Variants in PCDHGC3 observed in about 807,000 individuals in gnomAD.
The protein encoded by PCDHGC3 is protocadherin gamma-C3.
In PCDHGC3, 26 loss-of-function variants were observed where a neutral mutation model predicts 59.2. The observed-to-expected ratio is 0.44, with a 90% CI of 0.32 to 0.61. PCDHGC3 has a LOEUF of 0.61. Ranked by LOEUF, PCDHGC3 falls within the 20% of genes least tolerant of loss-of-function variation. PCDHGC3 has a pLI of 0.05. For synonymous variants in PCDHGC3, 487 were observed against 519.7 expected, an observed-to-expected ratio of 0.94 and a Z score of 0.86; for missense variants, 1,080 against 1,221.8, an observed-to-expected ratio of 0.88 and a Z score of 1.73.
Position 141,477,311 on chromosome 5 carries a change from C to G in PCDHGC3, c.1195C>G (p.Leu399Val). 6.2e-7 allele frequency: 1 copy of G among 1,614,186 alleles called. No individual in the cohort carries two copies. The highest frequency in any genetic ancestry group is 8.5e-7 in the Non-Finnish European group (1 of 1,180,032). ...AGTTCCACCGGGTCTCCCTTTCAGC[C>G]TTACTTCTTCCCTCAAGAATTACTT... ...CEVPPGLPFS[L>V]TSSLKNYFTL... The change falls in exon 1 of 4, where the codon CTT becomes GTT. Residue 399 changes from leucine (L) to valine (V), a missense_variant. Physicochemically the swap from Leu to Val is conservative, Grantham distance 32. Coordinates refer to ENST00000308177, the MANE Select transcript of PCDHGC3 (RefSeq NM_002588.4). The surrounding 1 kb of genome is among the most constrained non-coding windows in gnomAD (Gnocchi z 4.9).
chr5:141,505,363 T>A, intron 2 of PCDHGC3, 30 bp from the exon 3 acceptor site: 1 of 1,613,360 alleles, frequency 6.2e-7, no homozygotes, highest in Non-Finnish European at 8.5e-7. Context: ...GGCCTGGGAG[T>A]CTGTGCTCAC....
At chr5:141,506,278 G>A (rs1001662623) in intron 3 of PCDHGC3, among the ~76,000 whole-genome samples, 1 of 152,090 alleles carries the variant, frequency 6.6e-6, no homozygotes. Flanking sequence ...GTGAAACCCT[G>A]TCTCTACTAA....
At chr5:141,495,446 C>A (rs1165861519) in intron 2 of PCDHGC3, among the ~76,000 whole-genome samples, 1 of 152,220 alleles carries the variant, frequency 6.6e-6, no homozygotes, top group African/African-American at 2.4e-5. Flanking sequence ...CCCTACTTGT[C>A]CTGCTCTCTG....
rs1225265096 is a variant in PCDHGC3 at position 141,490,666 on chromosome 5, G to A, written c.2431-4141G>A. Reference sequence around the variant, plus strand: ...GCCTCCGGGCTCCCTTCTTTGCACTGTGGCTGCCTCAGATCCAGACACTGG... The same window carrying A: ...GCCTCCGGGCTCCCTTCTTTGCACTATGGCTGCCTCAGATCCAGACACTGG... On this transcript the variant is annotated intron_variant, in intron 1 of 3. Coordinates refer to ENST00000308177, the MANE Select transcript of PCDHGC3 (RefSeq NM_002588.4). The surrounding 1 kb of genome is among the most constrained non-coding windows in gnomAD (Gnocchi z 5.4). The A allele has an allele frequency of 1.2e-6, 2 of 1,614,134 alleles. No homozygotes were observed. The highest frequency in any genetic ancestry group is 3.3e-5 in the Admixed American group (2 of 60,026).
Position 141,511,656 on chromosome 5 carries a change from C to T in PCDHGC3, c.*483C>T, listed in dbSNP as rs2099883892. On this transcript the variant is annotated 3_prime_UTR_variant, in exon 4 of 4. Transcript: ENST00000308177. ...GGGCATCATGACCTCTTGGCCTCTC[C>T]TTTGATTCTCAATCTTCCCCCAAAG... is the stretch of plus-strand genomic sequence containing the variant. 4.9e-6 allele frequency: 1 copy of T among 206,024 alleles called. No individual in the cohort carries two copies. The highest frequency in any genetic ancestry group is 5.2e-5 in the Admixed American group (1 of 19,114). 12.8% of individuals were successfully genotyped at this position (206,024 alleles called of 1,614,324 possible).
intron 2 of PCDHGC3, among the ~76,000 whole-genome samples, chr5:141,500,184 T>TTTTATTTATTTATTTA (rs58019021): frequency 1.5e-5 from 2 of 135,886 alleles, no homozygotes; most frequent in African/African-American, 5.4e-5. Flanking sequence ...TCATTTTTAT[T>TTTTATTTATTTATTTA]TTTATTTATT....
In PCDHGC3 at chr5:141,489,183, G is replaced by A. The variant is rs2099683673; in HGVS notation, c.2431-5624G>A. 7.9e-7 allele frequency: 1 copy of A among 1,270,400 alleles called. No individual in the cohort carries two copies. Among genetic ancestry groups the A allele is most frequent in the Non-Finnish European group, 1.1e-6 (1 of 913,958 alleles). The allele number at this position is 1,270,400 out of a possible 1,614,324, so 78.7% of individuals were successfully genotyped here. A position where few individuals can be genotyped will look rare whatever the true frequency, so the allele number is the denominator to read the frequency against. ...TTCAGCTGCTGCATTCCAAGCCCTGGGTCTACCTTGGAGACAGGACAGCAC... is the reference window on the plus strand; with the variant it reads ...TTCAGCTGCTGCATTCCAAGCCCTGAGTCTACCTTGGAGACAGGACAGCAC... On this transcript the variant is annotated intron_variant, in intron 1 of 3. Transcript: ENST00000308177. The surrounding 1 kb of genome is among the most constrained non-coding windows in gnomAD (Gnocchi z 4.5).
Position 141,485,813 on chromosome 5 carries a change from G to A in PCDHGC3, c.2430+7267G>A. The A allele has an allele frequency of 1.9e-6, 3 of 1,614,078 alleles. No individual in the cohort carries two copies. Among genetic ancestry groups the A allele is most frequent in the Non-Finnish European group, 2.5e-6 (3 of 1,180,008 alleles). On this transcript the variant is annotated intron_variant, in intron 1 of 3. Coordinates refer to ENST00000308177, the MANE Select transcript of PCDHGC3 (RefSeq NM_002588.4). This position sits in a 1 kb window ranked among gnomAD's most constrained non-coding sequence, Gnocchi z 5.7. ...ATCGGACTACCGCCTGGTGCTGACT[G>A]CTGTCGATGGAGGGAACCCGCCGAG... is the stretch of plus-strand genomic sequence containing the variant.
chr5:141,497,111 G>A (rs899232924), intron 2 of PCDHGC3, among the ~76,000 whole-genome samples: 16 of 152,010 alleles, frequency 1.1e-4, no homozygotes, highest in Non-Finnish European at 1.2e-4. Context: ...GCTTGAACCC[G>A]GAAGGCAGAG....
In PCDHGC3 at chr5:141,485,770, T is replaced by A. The variant is rs1199757869; in HGVS notation, c.2430+7224T>A. The A allele has an allele frequency of 6.2e-7, 1 of 1,614,180 alleles. No homozygotes were observed. The highest frequency in any genetic ancestry group is 1.1e-5 in the South Asian group (1 of 91,080). On this transcript the variant is annotated intron_variant, in intron 1 of 3. Transcript: ENST00000308177. This position sits in a 1 kb window ranked among gnomAD's most constrained non-coding sequence, Gnocchi z 5.7. ...TCCCAGAGCTGCTCCTGGAGAAGCC[T>A]TTGGATCGAGAGAAGCAATCGGACT... is the stretch of plus-strand genomic sequence containing the variant.
chr5:141,486,985 T>C lies in PCDHGC3; in HGVS notation c.2431-7822T>C. On this transcript the variant is annotated intron_variant, in intron 1 of 3. Coordinates refer to ENST00000308177, the MANE Select transcript of PCDHGC3 (RefSeq NM_002588.4). The surrounding 1 kb of genome is among the most constrained non-coding windows in gnomAD (Gnocchi z 5.0). ...TGGACTTGGATTCAGGTTACAATGC[T>C]TGGGTTTCCTATCAGCTCCTGGAGG... 1 of 1,614,208 alleles carries C rather than the reference T, an allele frequency of 6.2e-7. No individual in the cohort carries two copies. The highest frequency in any genetic ancestry group is 8.5e-7 in the Non-Finnish European group (1 of 1,180,040).
At chr5:141,500,500 C>T (rs6872480) in intron 2 of PCDHGC3, among the ~76,000 whole-genome samples, 1,599 of 152,210 alleles carry the variant, frequency 0.011, 36 homozygotes, top group African/African-American at 0.036. Context: ...TGAGCCACCG[C>T]GCCTGGCCGA....
At chr5:141,497,201 G>A (rs1190666375) in intron 2 of PCDHGC3, among the ~76,000 whole-genome samples, 1 of 93,734 alleles carries the variant, frequency 1.1e-5, no homozygotes, top group African/African-American at 8.6e-5. Flanking sequence ...AGAACAATGT[G>A]AGTGTAATGG....
rs2099615817 is a variant in PCDHGC3 at position 141,485,564 on chromosome 5, C to G, written c.2430+7018C>G. On this transcript the variant is annotated intron_variant, in intron 1 of 3. Coordinates refer to ENST00000308177, the MANE Select transcript of PCDHGC3 (RefSeq NM_002588.4). This position sits in a 1 kb window ranked among gnomAD's most constrained non-coding sequence, Gnocchi z 5.7. ...GATCGTAGATGTGAATGATCACGCCCCCCGTTTTCCGCGGCAGCAGCTGGA... is the reference window on the plus strand; with the variant it reads ...GATCGTAGATGTGAATGATCACGCCGCCCGTTTTCCGCGGCAGCAGCTGGA... 6.2e-7 allele frequency: 1 copy of G among 1,612,958 alleles called. No individual in the cohort carries two copies. The highest frequency in any genetic ancestry group is 8.5e-7 in the Non-Finnish European group (1 of 1,179,052).
intron 2 of PCDHGC3, among the ~76,000 whole-genome samples, chr5:141,498,309 G>A (rs2099783046): frequency 6.6e-6 from 1 of 151,844 alleles, no homozygotes; most frequent in Non-Finnish European, 1.5e-5. Flanking sequence ...GGGTCACACT[G>A]CCTACACAGA....
intron 1 of PCDHGC3, among the ~76,000 whole-genome samples, chr5:141,494,463 C>G (rs1178793763): frequency 6.6e-6 from 1 of 152,154 alleles, no homozygotes; most frequent in Non-Finnish European, 1.5e-5. Context: ...TTGTCTGCAC[C>G]TCTTCCCCCA....
chr5:141,487,622 C>T lies in PCDHGC3; in HGVS notation c.2431-7185C>T. Reference sequence around the variant, plus strand: ...TCTTCTCTATGGGCTAGAGGTGAGACCTTTGCAGGCTCAACAAATGCTTGA... The same window carrying T: ...TCTTCTCTATGGGCTAGAGGTGAGATCTTTGCAGGCTCAACAAATGCTTGA... On this transcript the variant is annotated intron_variant, in intron 1 of 3. Coordinates refer to ENST00000308177, the MANE Select transcript of PCDHGC3 (RefSeq NM_002588.4). This position sits in a 1 kb window ranked among gnomAD's most constrained non-coding sequence, Gnocchi z 5.0. 1.2e-6 allele frequency: 2 copies of T among 1,614,174 alleles called. No homozygotes were observed. Among genetic ancestry groups the T allele is most frequent in the South Asian group, 1.1e-5 (1 of 91,084 alleles).
intron 2 of PCDHGC3, among the ~76,000 whole-genome samples, chr5:141,504,579 G>T (rs994771989): frequency 2.0e-5 from 3 of 149,174 alleles, no homozygotes; most frequent in Non-Finnish European, 4.4e-5. Context: ...AACACCATCT[G>T]CCCAGGATTC....
Position 141,489,560 on chromosome 5 carries a change from A to C in PCDHGC3, c.2431-5247A>C, listed in dbSNP as rs749076412. On this transcript the variant is annotated intron_variant, in intron 1 of 3. Coordinates refer to ENST00000308177, the MANE Select transcript of PCDHGC3 (RefSeq NM_002588.4). This position sits in a 1 kb window ranked among gnomAD's most constrained non-coding sequence, Gnocchi z 4.5. Reference sequence around the variant, plus strand: ...AGCACCAGCTGCCTGCTGCCAGTGCAGGTGGTGACTGAACACCCCCTGGAG... The same window carrying C: ...AGCACCAGCTGCCTGCTGCCAGTGCCGGTGGTGACTGAACACCCCCTGGAG... 2 of 1,614,142 alleles carry C rather than the reference A, an allele frequency of 1.2e-6. No individual in the cohort carries two copies. Among genetic ancestry groups the C allele is most frequent in the Admixed American group, 3.3e-5 (2 of 60,024 alleles).
Sources: gnomAD v4.1 joint callset for allele counts (sites outside exome capture counted in the v4.1 genomes callset) on GRCh38, gnomAD v4.1.1 for gene constraint, Gnocchi (gnomAD v3.1) non-coding constraint, MANE v1.5 for transcripts, NCBI Gene and HGNC (gene_info 2026-07-23, HGNC 2026-07-21) for gene names.